The following PCDHGA1 variants were observed in gnomAD, a reference collection of about 807,000 sequenced individuals.
The protein encoded by PCDHGA1 is protocadherin gamma-A1.
In PCDHGA1, 32 loss-of-function variants were observed where a neutral mutation model predicts 58.0. The ratio of observed to expected loss-of-function variants is 0.55; its 90% CI spans 0.42 to 0.74. The LOEUF (loss-of-function observed/expected upper bound fraction) is 0.74. PCDHGA1 is among the 30% of genes least tolerant of loss of function. The pLI is 0.00. For missense variants in PCDHGA1, 1,205 were observed against 1,182.3 expected, an observed-to-expected ratio of 1.02 and a Z score of -0.28; for synonymous variants, 498 against 501.1, an observed-to-expected ratio of 0.99 and a Z score of 0.08.
intron 1 of PCDHGA1, chr5:141,375,350 A>C (rs1442876922): frequency 1.2e-6 from 2 of 1,613,744 alleles, no homozygotes; most frequent in African/African-American, 1.3e-5. Context: ...CATCACTGTG[A>C]CAGCCACGGA....
At chr5:141,500,450 C>A (rs2099800340) in intron 2 of PCDHGA1, among the ~76,000 whole-genome samples, 1 of 152,072 alleles carries the variant, frequency 6.6e-6, no homozygotes, top group Non-Finnish European at 1.5e-5. Flanking sequence ...ACCTCGTGAT[C>A]CGCCCGCCTC....
chr5:141,476,205 C>G lies in PCDHGA1; in HGVS notation c.2422-18602C>G. ...CTGCTTGGTGCCTTGAACAAGGCTT[C>G]CACGGTCATTCACTATGAGATCCCG... On this transcript the variant is annotated intron_variant, in intron 1 of 3. Transcript: ENST00000517417. The surrounding 1 kb of genome is among the most constrained non-coding windows in gnomAD (Gnocchi z 7.6). 1 of 1,613,892 alleles carries G rather than the reference C, an allele frequency of 6.2e-7. No homozygotes were observed. Among genetic ancestry groups the G allele is most frequent in the Non-Finnish European group, 8.5e-7 (1 of 1,180,012 alleles).
Position 141,490,693 on chromosome 5 carries a change from G to C in PCDHGA1, c.2422-4114G>C. 2 of 1,614,170 alleles carry C rather than the reference G, an allele frequency of 1.2e-6. No homozygotes were observed. Among genetic ancestry groups the C allele is most frequent in the Non-Finnish European group, 1.7e-6 (2 of 1,180,018 alleles). ...GGCTGCCTCAGATCCAGACACTGGG[G>C]ATAATGCCCGCCTCACCTACTCCAT... is the stretch of plus-strand genomic sequence containing the variant. On this transcript the variant is annotated intron_variant, in intron 1 of 3. Coordinates refer to ENST00000517417, the MANE Select transcript of PCDHGA1 (RefSeq NM_018912.3). This position sits in a 1 kb window ranked among gnomAD's most constrained non-coding sequence, Gnocchi z 5.4.
chr5:141,393,684 T>A, intron 1 of PCDHGA1: 1 of 1,613,904 alleles, frequency 6.2e-7, no homozygotes, highest in Non-Finnish European at 8.5e-7. Flanking sequence ...ACAAACTCCG[T>A]TATTCCAGCT....
At chr5:141,364,470 A>G in intron 1 of PCDHGA1, 1 of 1,614,038 alleles carries the variant, frequency 6.2e-7, no homozygotes, top group Non-Finnish European at 8.5e-7. Context: ...TTCGTCGGCA[A>G]CATAGCCAAG....
chr5:141,426,898 C>G (rs1246109323), intron 1 of PCDHGA1: 3 of 456,634 alleles, frequency 6.6e-6, no homozygotes, highest in Admixed American at 4.7e-5. Context: ...CAACAGAGCT[C>G]TCATCTCCTG....
intron 1 of PCDHGA1, chr5:141,374,110 G>T (rs1402267775): frequency 7.0e-6 from 11 of 1,576,896 alleles, no homozygotes; most frequent in Non-Finnish European, 9.5e-6. Context: ...GGCATCCGCA[G>T]CGCAGCGAGC....
chr5:141,395,380 T>A, intron 1 of PCDHGA1: 2 of 1,112,040 alleles, frequency 1.8e-6, no homozygotes, highest in Non-Finnish European at 2.5e-6. Flanking sequence ...GTGGTGTTAC[T>A]ATAAAATTGA....
At chr5:141,508,906 G>A (rs2099872897) in intron 3 of PCDHGA1, among the ~76,000 whole-genome samples, 1 of 152,092 alleles carries the variant, frequency 6.6e-6, no homozygotes, top group Non-Finnish European at 1.5e-5. Context: ...CGGGGCGGTG[G>A]CGGATCTGGC....
In PCDHGA1 at chr5:141,399,219, G is replaced by A. The variant is rs775267424; in HGVS notation, c.2421+66114G>A. The A allele has an allele frequency of 2.5e-6, 4 of 1,613,924 alleles. No homozygotes were observed. The South Asian group carries it at 3.3e-5, about 13-fold the overall frequency. On this transcript the variant is annotated intron_variant, in intron 1 of 3. Coordinates refer to ENST00000517417, the MANE Select transcript of PCDHGA1 (RefSeq NM_018912.3). Reference sequence around the variant, plus strand: ...CGGTGCCTGGAACACTAATTGCTTTGATCAAAATACATGACCAAGATTCTG... The same window carrying A: ...CGGTGCCTGGAACACTAATTGCTTTAATCAAAATACATGACCAAGATTCTG...
chr5:141,434,724 C>T (rs2097712360), intron 1 of PCDHGA1, among the ~76,000 whole-genome samples: 2 of 151,800 alleles, frequency 1.3e-5, no homozygotes, highest in Admixed American at 1.3e-4. Flanking sequence ...GTTCAGGGCT[C>T]TCAGCTCTGA....
intron 1 of PCDHGA1, chr5:141,394,299 C>G: frequency 6.2e-7 from 1 of 1,614,002 alleles, no homozygotes; most frequent in Middle Eastern, 1.6e-4. Context: ...CGAGGACACG[C>G]TGCAGGGGGC....
chr5:141,451,676 G>A (rs1363843426), intron 1 of PCDHGA1, among the ~76,000 whole-genome samples: 1 of 152,142 alleles, frequency 6.6e-6, no homozygotes, highest in African/African-American at 2.4e-5. Flanking sequence ...GAGCCCAGGA[G>A]TTCAAGACCA....
chr5:141,408,849 A>G (rs764977493), intron 1 of PCDHGA1: 1 of 1,613,610 alleles, frequency 6.2e-7, no homozygotes, highest in South Asian at 1.1e-5. Context: ...ACTGCCTTGG[A>G]CGGAGGGGAC....
chr5:141,355,099 T>C, intron 1 of PCDHGA1: 2 of 1,497,570 alleles, frequency 1.3e-6, no homozygotes, highest in Non-Finnish European at 8.9e-7. Context: ...CTGAGAGCTC[T>C]GGCTGTGAAT....
rs757663132 is a variant in PCDHGA1 at position 141,510,991 on chromosome 5, A to G, written c.2614A>G (p.Met872Val). ...CACCCTGGGAGGGGGTGCCGGCACC[A>G]TGGGATTGAGCGCCCGCTACGGACC... is the stretch of plus-strand genomic sequence containing the variant. ...SSTLGGGAGT[M>V]GLSARYGPQF... is the part of the protein sequence containing the mutation. Residue 872 changes from methionine (M) to valine (V), a missense_variant, in exon 4 of 4, where the codon ATG becomes GTG. Coordinates refer to ENST00000517417, the MANE Select transcript of PCDHGA1 (RefSeq NM_018912.3). 1.2e-6 allele frequency: 2 copies of G among 1,614,136 alleles called. No individual in the cohort carries two copies. Among genetic ancestry groups the G allele is most frequent in the Admixed American group, 3.3e-5 (2 of 60,022 alleles).
chr5:141,370,854 C>G, intron 1 of PCDHGA1: 1 of 1,614,054 alleles, frequency 6.2e-7, no homozygotes, highest in Non-Finnish European at 8.5e-7. Context: ...CACATTTGCC[C>G]TGGAATCTGC....
chr5:141,487,919 A>G lies in PCDHGA1; in HGVS notation c.2422-6888A>G, dbSNP rs548678238. ...ATGGAATGTGGGAGCACAGGAGGCTACAGTGCACAGGGTACAGTGCACCAG... is the reference window on the plus strand; with the variant it reads ...ATGGAATGTGGGAGCACAGGAGGCTGCAGTGCACAGGGTACAGTGCACCAG... On this transcript the variant is annotated intron_variant, in intron 1 of 3. Transcript: ENST00000517417. The surrounding 1 kb of genome is among the most constrained non-coding windows in gnomAD (Gnocchi z 5.0). 23 of 644,878 alleles carry G rather than the reference A, an allele frequency of 3.6e-5. No individual in the cohort carries two copies. Among genetic ancestry groups the G allele is most frequent in the Non-Finnish European group, 5.6e-5 (21 of 374,374 alleles). 39.9% of individuals were successfully genotyped at this position (644,878 alleles called of 1,614,324 possible). A position where few individuals can be genotyped will look rare whatever the true frequency, so the allele number is the denominator to read the frequency against.
intron 1 of PCDHGA1, chr5:141,427,815 G>A: frequency 6.5e-7 from 1 of 1,527,760 alleles, no homozygotes; most frequent in Non-Finnish European, 9.0e-7. Context: ...ACAGAGCGGG[G>A]TGGTGGTCGC....
Sources: gnomAD v4.1 joint callset for allele counts (sites outside exome capture counted in the v4.1 genomes callset) on GRCh38, gnomAD v4.1.1 for gene constraint, Gnocchi (gnomAD v3.1) non-coding constraint, MANE v1.5 for transcripts, NCBI Gene and HGNC (gene_info 2026-07-23, HGNC 2026-07-21) for gene names.